The following TNPO3 variants were observed in gnomAD, a reference collection of about 807,000 sequenced individuals.
The protein encoded by TNPO3 is transportin-3.
Under a neutral mutation model 122.8 loss-of-function variants are expected in TNPO3, and 65 were observed. The ratio of observed to expected loss-of-function variants is 0.53; its 90% CI spans 0.43 to 0.65. The LOEUF is 0.65. Among genes scored for constraint, TNPO3 ranks in the 30% least tolerant of loss-of-function variants. The pLI, the probability that TNPO3 is intolerant of heterozygous loss-of-function variation, is 0.00. For synonymous variants in TNPO3, 372 were observed against 411.2 expected, an observed-to-expected ratio of 0.90 and a Z score of 1.15; for missense variants, 850 against 1,136.7, an observed-to-expected ratio of 0.75 and a Z score of 3.63.
chr7:129,011,304 T>G (rs927550904), intron 4 of TNPO3, among the ~76,000 whole-genome samples: 1 of 152,192 alleles, frequency 6.6e-6, no homozygotes, highest in African/African-American at 2.4e-5. Flanking sequence ...ATACAAGGCA[T>G]AGTTACAGAT....
At chr7:129,038,726 C>T (rs1452354912) in intron 1 of TNPO3, among the ~76,000 whole-genome samples, 1 of 152,154 alleles carries the variant, frequency 6.6e-6, no homozygotes, top group Non-Finnish European at 1.5e-5. Flanking sequence ...CAAATTAACA[C>T]AGGATCAGAA....
intron 4 of TNPO3, among the ~76,000 whole-genome samples, chr7:129,014,655 C>T (rs1197150491): frequency 6.6e-6 from 1 of 152,074 alleles, no homozygotes; most frequent in African/African-American, 2.4e-5. Context: ...TATTAACAGC[C>T]AACAGTTTGG....
At chr7:128,957,806 G>C (rs903287000) in intron 21 of TNPO3, among the ~76,000 whole-genome samples, 1 of 152,122 alleles carries the variant, frequency 6.6e-6, no homozygotes, top group Non-Finnish European at 1.5e-5. Flanking sequence ...GTTTACAAAG[G>C]CCGGTCTAGC....
chr7:128,991,976 CAA>C (rs775686269), intron 10 of TNPO3, 21 bp downstream of exon 10: 1 of 1,530,226 alleles, frequency 6.5e-7, no homozygotes, highest in Admixed American at 2.0e-5. Flanking sequence ...GAGTTCCCAG[CAA>C]AAGACTTATG....
At chr7:129,007,612 A>C (rs1802711959) in intron 4 of TNPO3, among the ~76,000 whole-genome samples, 1 of 152,248 alleles carries the variant, frequency 6.6e-6, no homozygotes. Context: ...ATTTGTAATG[A>C]ATAACATCAG....
chr7:129,051,450 G>A (rs1004778188), intron 1 of TNPO3, among the ~76,000 whole-genome samples: 11 of 151,660 alleles, frequency 7.3e-5, no homozygotes, highest in African/African-American at 2.7e-4. Context: ...CTGGGCTCAA[G>A]GGATCCTCCT....
At chr7:128,998,624 A>G (rs567608616) in intron 7 of TNPO3, among the ~76,000 whole-genome samples, 1 of 152,154 alleles carries the variant, frequency 6.6e-6, no homozygotes, top group Admixed American at 6.5e-5. Context: ...CCTGGGCTCA[A>G]GTGATCCTCC....
intron 19 of TNPO3, among the ~76,000 whole-genome samples, chr7:128,971,566 G>A (rs1023125585): frequency 7.2e-5 from 11 of 152,080 alleles, no homozygotes; most frequent in Admixed American, 7.2e-4. Flanking sequence ...TAAATGAATA[G>A]CCTAAATAGA....
Position 128,972,522 on chromosome 7 carries a change from C to G in TNPO3, c.2334G>C (p.Gln778His). The G allele has an allele frequency of 6.2e-7, 1 of 1,614,120 alleles. No individual in the cohort carries two copies. The highest frequency in any genetic ancestry group is 8.5e-7 in the Non-Finnish European group (1 of 1,180,014). Residue 778 changes from glutamine to histidine, a missense_variant, in exon 19 of 23, where the codon CAG becomes CAC. Physicochemically the swap from Gln to His is conservative, Grantham distance 24. Transcript: ENST00000265388. ...LRSQVVIPIL[Q>H]WAIASTTLDH... ...CCAGGGTAGTAGAGGCAATGGCCCA[C>G]TGTAAGATAGGGATGACCACTTGGC...
chr7:129,031,860 T>A (rs1285189841), intron 1 of TNPO3, among the ~76,000 whole-genome samples: 1 of 152,194 alleles, frequency 6.6e-6, no homozygotes, highest in African/African-American at 2.4e-5. Context: ...ATTTTCAAAA[T>A]TTTAAATTTA....
intron 19 of TNPO3, chr7:128,970,615 GA>G (rs1335617281): frequency 5.0e-6 from 1 of 201,180 alleles, no homozygotes; most frequent in Non-Finnish European, 9.9e-6. Flanking sequence ...ACATGGTTAA[GA>G]ATTAAAGTTA....
In TNPO3 at chr7:128,975,816, T is replaced by TA. The variant is rs1313857223; in HGVS notation, c.2178+2dup. 6.2e-7 allele frequency: 1 copy of TA among 1,600,124 alleles called. No homozygotes were observed. Among genetic ancestry groups the TA allele is most frequent in the Non-Finnish European group, 8.6e-7 (1 of 1,167,388 alleles). Reference sequence around the variant, plus strand: ...GCGTCTACACTCCTCATGGAAAAGATACCTGGAGCATGTCTAGCAGTCCCT... The same window carrying TA: ...GCGTCTACACTCCTCATGGAAAAGATAACCTGGAGCATGTCTAGCAGTCCCT... On this transcript the variant is annotated splice_region_variant and intron_variant, in intron 17 of 22. Coordinates refer to ENST00000265388, the MANE Select transcript of TNPO3 (RefSeq NM_012470.4).
intron 5 of TNPO3, 49 bp downstream of exon 5, chr7:129,004,967 A>G: frequency 6.3e-7 from 1 of 1,576,764 alleles, no homozygotes; most frequent in East Asian, 2.3e-5. Context: ...CAGGTTAGTT[A>G]CGAAAAGTGA....
At chr7:129,016,022 T>C (rs1803812927) in intron 3 of TNPO3, among the ~76,000 whole-genome samples, 2 of 152,016 alleles carry the variant, frequency 1.3e-5, no homozygotes, top group Non-Finnish European at 2.9e-5. Flanking sequence ...GAGGCTGAGG[T>C]TGTAGTGAGC....
At chr7:129,006,199 G>A (rs1802560958) in intron 4 of TNPO3, among the ~76,000 whole-genome samples, 1 of 152,148 alleles carries the variant, frequency 6.6e-6, no homozygotes, top group South Asian at 2.1e-4. Context: ...AGTAGAGAGA[G>A]GTTACAGACT....
At chr7:128,960,894 G>T (rs1035027652) in intron 21 of TNPO3, among the ~76,000 whole-genome samples, 7 of 151,852 alleles carry the variant, frequency 4.6e-5, no homozygotes, top group Non-Finnish European at 7.4e-5. Flanking sequence ...TGAGTAGCTG[G>T]GATTACAAGT....
intron 1 of TNPO3, among the ~76,000 whole-genome samples, chr7:129,039,767 T>G (rs1174391130): frequency 6.6e-6 from 1 of 152,176 alleles, no homozygotes; most frequent in African/African-American, 2.4e-5. Context: ...TAATATATAC[T>G]ATAACATGGA....
At chr7:128,957,338 G>C in intron 21 of TNPO3, 23 bp from the exon 22 acceptor site, 1 of 1,613,740 alleles carries the variant, frequency 6.2e-7, no homozygotes, top group Non-Finnish European at 8.5e-7. Flanking sequence ...AGGTAGGTTG[G>C]TCCTTGACTG....
At position 128,972,554 on chromosome 7, in the gene TNPO3, G is replaced by A. The variant is rs2128995386; in HGVS notation, c.2302C>T (p.Leu768=). The part of the protein sequence containing the change: ...RFIQRSPVTL[L]RSQVVIPILQ... ...ATAGGGATGACCACTTGGCTCCGCA[G>A]CAAGGTGACAGGGCTACGCTGAATA... The change falls in exon 19 of 23, where the codon CTG becomes TTG. Residue 768 remains leucine, a synonymous_variant. Coordinates refer to ENST00000265388, the MANE Select transcript of TNPO3 (RefSeq NM_012470.4). 1 of 1,614,108 alleles carries A rather than the reference G, an allele frequency of 6.2e-7. No individual in the cohort carries two copies. The highest frequency in any genetic ancestry group is 8.5e-7 in the Non-Finnish European group (1 of 1,180,014).
Sources: gnomAD v4.1 joint callset for allele counts (sites outside exome capture counted in the v4.1 genomes callset) on GRCh38, gnomAD v4.1.1 for gene constraint, MANE v1.5 for transcripts, NCBI Gene and HGNC (gene_info 2026-07-23, HGNC 2026-07-21) for gene names.